MDGA2: variants seen among roughly 807,000 people sequenced by gnomAD.
MDGA2 encodes MAM domain containing glycosylphosphatidylinositol anchor 2.
In MDGA2, 40 loss-of-function variants were observed where a neutral mutation model predicts 117.8. That is an observed-to-expected ratio of 0.34 (90% CI 0.26 to 0.44). MDGA2 has a LOEUF of 0.44. Among genes scored for constraint, MDGA2 ranks in the 20% least tolerant of loss-of-function variants. The pLI is 1.00. For synonymous variants in MDGA2, 452 were observed against 439.0 expected, an observed-to-expected ratio of 1.03 and a Z score of -0.37; for missense variants, 1,123 against 1,250.6, an observed-to-expected ratio of 0.90 and a Z score of 1.54.
chr14:47,208,819 G>A (rs1885779845), intron 3 of MDGA2, among the ~76,000 whole-genome samples: 1 of 151,848 alleles, frequency 6.6e-6, no homozygotes, highest in Admixed American at 6.6e-5. Context: ...ATTTTTAGAT[G>A]AAAGAGAATC....
chr14:47,537,587 A>AAAAAAAAAAAAAAAAAACTT, intron 1 of MDGA2, among the ~76,000 whole-genome samples: 1 of 127,692 alleles, frequency 7.8e-6, no homozygotes. Flanking sequence ...AAAAAAAAAA[A>AAAAAAAAAAAAAAAAAACTT]AAAAAAAAAA....
intron 1 of MDGA2, among the ~76,000 whole-genome samples, chr14:47,513,924 T>C (rs1894696569): frequency 6.6e-6 from 1 of 152,152 alleles, no homozygotes; most frequent in Non-Finnish European, 1.5e-5. Flanking sequence ...CTAAGATGAA[T>C]ATGTAACATC....
At chr14:47,164,584 T>C (rs1347013424) in intron 3 of MDGA2, among the ~76,000 whole-genome samples, 1 of 152,114 alleles carries the variant, frequency 6.6e-6, no homozygotes, top group Non-Finnish European at 1.5e-5. Flanking sequence ...ATGGCGATCA[T>C]TAAAAAGTCA....
intron 1 of MDGA2, among the ~76,000 whole-genome samples, chr14:47,663,208 C>A (rs1337263486): frequency 6.6e-6 from 1 of 152,180 alleles, no homozygotes; most frequent in Non-Finnish European, 1.5e-5. Context: ...AATTACTTGG[C>A]AGTTGTATCT....
intron 8 of MDGA2, among the ~76,000 whole-genome samples, chr14:47,008,326 G>A (rs2138521137): frequency 6.6e-6 from 1 of 151,990 alleles, no homozygotes; most frequent in African/African-American, 2.4e-5. Context: ...AACAGGTAGT[G>A]TTGGCAGAAC....
chr14:47,655,767 G>A (rs1160787423), intron 1 of MDGA2, among the ~76,000 whole-genome samples: 2 of 152,162 alleles, frequency 1.3e-5, no homozygotes, highest in Non-Finnish European at 1.5e-5. Flanking sequence ...TGGGAATACT[G>A]TTCTGACCTA....
intron 7 of MDGA2, among the ~76,000 whole-genome samples, chr14:47,038,740 A>G (rs1273627474): frequency 3.3e-5 from 5 of 151,790 alleles, no homozygotes; most frequent in African/African-American, 9.7e-5. Context: ...GATCAAGACC[A>G]TCCTGGTCAA....
At chr14:46,902,978 G>A (rs558206957) in intron 10 of MDGA2, among the ~76,000 whole-genome samples, 1 of 142,094 alleles carries the variant, frequency 7.0e-6, no homozygotes, top group Admixed American at 6.9e-5. Flanking sequence ...TCTCCCACCG[G>A]CCTACACACT....
intron 5 of MDGA2, among the ~76,000 whole-genome samples, chr14:47,125,879 C>A: frequency 6.6e-6 from 1 of 151,912 alleles, no homozygotes; most frequent in East Asian, 1.9e-4. Flanking sequence ...ATATAGGTAA[C>A]CTACTTAATT....
At chr14:46,868,685 A>G (rs1364004081) in intron 14 of MDGA2, among the ~76,000 whole-genome samples, 1 of 152,028 alleles carries the variant, frequency 6.6e-6, no homozygotes, top group African/African-American at 2.4e-5. Context: ...ACTGGCCATT[A>G]TATTCCAAAA....
intron 1 of MDGA2, among the ~76,000 whole-genome samples, chr14:47,509,387 A>C (rs1014853162): frequency 2.6e-5 from 4 of 152,196 alleles, no homozygotes; most frequent in African/African-American, 9.7e-5. Flanking sequence ...TCATTGAAGG[A>C]AAGTGGTATG....
intron 8 of MDGA2, among the ~76,000 whole-genome samples, chr14:47,023,615 T>C (rs1235688653): frequency 6.6e-6 from 1 of 152,074 alleles, no homozygotes; most frequent in Non-Finnish European, 1.5e-5. Context: ...AAATGTATGC[T>C]AGAAAAAGGA....
At chr14:47,141,554 T>A (rs1882718942) in intron 4 of MDGA2, among the ~76,000 whole-genome samples, 1 of 152,188 alleles carries the variant, frequency 6.6e-6, no homozygotes, top group Non-Finnish European at 1.5e-5. Context: ...AAATGATGGG[T>A]CTGTCCCAGA....
intron 1 of MDGA2, among the ~76,000 whole-genome samples, chr14:47,490,554 A>C (rs1189109667): frequency 6.6e-6 from 1 of 152,074 alleles, no homozygotes; most frequent in Non-Finnish European, 1.5e-5. Context: ...CATCACATTA[A>C]CTCAGTAATT....
chr14:47,192,737 A>G (rs1024607682), intron 3 of MDGA2, among the ~76,000 whole-genome samples: 17 of 152,234 alleles, frequency 1.1e-4, no homozygotes, highest in African/African-American at 3.9e-4. Context: ...AGCTATAAAA[A>G]CAAGTTATAC....
intron 3 of MDGA2, among the ~76,000 whole-genome samples, chr14:47,161,927 C>CTTTTTTTTTTTTTTTT (rs71112489): frequency 7.6e-5 from 4 of 52,472 alleles, no homozygotes; most frequent in Non-Finnish European, 1.4e-4. Flanking sequence ...TCCCCAGATC[C>CTTTTTTTTTTTTTTTT]TTTTTTTTTT....
At chr14:46,962,662 T>G (rs1885858374) in intron 8 of MDGA2, among the ~76,000 whole-genome samples, 1 of 152,078 alleles carries the variant, frequency 6.6e-6, no homozygotes, top group Admixed American at 6.6e-5. Context: ...ATTGGAGAGA[T>G]TTTACATAAT....
chr14:46,953,378 G>A (rs916963024), intron 9 of MDGA2, among the ~76,000 whole-genome samples: 3 of 150,752 alleles, frequency 2.0e-5, no homozygotes, highest in African/African-American at 7.3e-5. Flanking sequence ...TGTCTCCATT[G>A]ATAAAATTCC....
intron 8 of MDGA2, among the ~76,000 whole-genome samples, chr14:46,972,979 T>C (rs1202928205): frequency 1.3e-5 from 2 of 152,006 alleles, no homozygotes; most frequent in Non-Finnish European, 2.9e-5. Flanking sequence ...AACAGACACC[T>C]CACCAAAGAA....
Sources: allele counts gnomAD v4.1 joint callset (sites outside exome capture counted in the v4.1 genomes callset), GRCh38; gene constraint gnomAD v4.1.1; transcripts MANE v1.5; gene names NCBI Gene and HGNC (gene_info 2026-07-23, HGNC 2026-07-21).